ME3: variants seen among roughly 807,000 people sequenced by gnomAD.
ME3 encodes malic enzyme 3, also known as NADP-dependent malic enzyme, mitochondrial.
Under a neutral mutation model 68.9 loss-of-function variants are expected in ME3, and 48 were observed. The observed-to-expected ratio is 0.70, with a 90% CI of 0.55 to 0.89. ME3 has a LOEUF of 0.89. ME3 is among the 40% of genes least tolerant of loss of function. The pLI, the probability that ME3 is intolerant of heterozygous loss-of-function variation, is 0.00. For missense variants in ME3, 675 were observed against 797.4 expected, an observed-to-expected ratio of 0.85 and a Z score of 1.85; for synonymous variants, 320 against 318.8, an observed-to-expected ratio of 1.00 and a Z score of -0.04.
intron 2 of ME3, among the ~76,000 whole-genome samples, chr11:86,567,018 G>A (rs1451052439): frequency 6.6e-6 from 1 of 152,028 alleles, no homozygotes; most frequent in East Asian, 1.9e-4. Flanking sequence ...GGGAGTTCAA[G>A]ACCAGTCTGA....
chr11:86,648,235 A>T (rs1945162288), intron 2 of ME3, among the ~76,000 whole-genome samples: 1 of 152,222 alleles, frequency 6.6e-6, no homozygotes, highest in Non-Finnish European at 1.5e-5. Flanking sequence ...AACATACCAG[A>T]ATCTCTGGGA....
intron 2 of ME3, among the ~76,000 whole-genome samples, chr11:86,576,231 A>G (rs1421410634): frequency 1.3e-5 from 2 of 152,102 alleles, no homozygotes. Flanking sequence ...TGGTTGGGGG[A>G]GGTGGATAAC....
At chr11:86,465,266 C>A in intron 7 of ME3, 66 bp from the exon 8 acceptor site, 1 of 1,192,466 alleles carries the variant, frequency 8.4e-7, no homozygotes, top group Non-Finnish European at 1.2e-6. Context: ...CAGATCCCAG[C>A]TTGCACAGTG....
intron 7 of ME3, among the ~76,000 whole-genome samples, chr11:86,465,713 G>T (rs1950443302): frequency 6.6e-6 from 1 of 152,226 alleles, no homozygotes; most frequent in Non-Finnish European, 1.5e-5. Flanking sequence ...CTGGCACCAG[G>T]CATTGTTCTC....
At chr11:86,662,105 C>A (rs1330605096) in intron 2 of ME3, among the ~76,000 whole-genome samples, 2 of 152,152 alleles carry the variant, frequency 1.3e-5, no homozygotes, top group Non-Finnish European at 2.9e-5. Context: ...CAGCAGGGAA[C>A]AGGGAATACA....
intron 2 of ME3, among the ~76,000 whole-genome samples, chr11:86,560,750 A>ATATATATATATATATATATATATATG (rs1957186631): frequency 9.5e-5 from 2 of 21,126 alleles, no homozygotes; most frequent in African/African-American, 2.9e-4. Flanking sequence ...GTGTGTGTGT[A>ATATATATATATATATATATATATATG]TATATATATA....
At chr11:86,485,441 G>T (rs1182145184) in intron 7 of ME3, among the ~76,000 whole-genome samples, 3 of 152,190 alleles carry the variant, frequency 2.0e-5, no homozygotes, top group Non-Finnish European at 4.4e-5. Context: ...TGTCCTAGAT[G>T]CTATGCCTCT....
chr11:86,558,364 T>A (rs2139455208), intron 3 of ME3, among the ~76,000 whole-genome samples: 1 of 151,818 alleles, frequency 6.6e-6, no homozygotes, highest in Non-Finnish European at 1.5e-5. Flanking sequence ...CCAATCAGAG[T>A]GAGATAAAAA....
At chr11:86,559,950 T>C in intron 2 of ME3, 127 bp from the exon 3 acceptor site, 1 of 920,870 alleles carries the variant, frequency 1.1e-6, no homozygotes, top group Non-Finnish European at 1.5e-6. Context: ...TCAACTCAAA[T>C]TCCACCTCTG....
chr11:86,457,323 C>T lies in ME3; in HGVS notation c.920-6925G>A, dbSNP rs1459954615. 1.7e-5 allele frequency: 3 copies of T among 178,262 alleles called. No homozygotes were observed. The East Asian group carries it at 4.6e-4, about 27-fold the overall frequency. 11.0% of individuals were successfully genotyped at this position (178,262 alleles called of 1,614,324 possible). A position where few individuals can be genotyped will look rare whatever the true frequency, so the allele number is the denominator to read the frequency against. On this transcript the variant is annotated intron_variant, in intron 8 of 14. Transcript: ENST00000543262. Reference sequence around the variant, plus strand: ...ATTAACTGCATCTAGTTCCTTCCTCCTTGGTCCCCATGAAACCCAGTCCAA... The same window carrying T: ...ATTAACTGCATCTAGTTCCTTCCTCTTTGGTCCCCATGAAACCCAGTCCAA...
chr11:86,494,456 A>G (rs1220100222), intron 6 of ME3, among the ~76,000 whole-genome samples: 1 of 152,154 alleles, frequency 6.6e-6, no homozygotes, highest in East Asian at 1.9e-4. Flanking sequence ...TTTCAGTCTC[A>G]GTTTCCTTAT....
intron 4 of ME3, among the ~76,000 whole-genome samples, chr11:86,509,398 T>TCACACACACACACACACA (rs3045014): frequency 3.5e-5 from 5 of 144,662 alleles, no homozygotes; most frequent in African/African-American, 1.2e-4. Context: ...TACTCCATCA[T>TCACACACACACACACACA]CACACACACA....
intron 4 of ME3, among the ~76,000 whole-genome samples, chr11:86,551,868 A>T (rs1956703955): frequency 6.6e-6 from 1 of 152,218 alleles, no homozygotes; most frequent in Non-Finnish European, 1.5e-5. Context: ...CATAAAACCA[A>T]GTCCCACTTC....
At chr11:86,446,090 T>A (rs532490850) in intron 13 of ME3, among the ~76,000 whole-genome samples, 1 of 152,300 alleles carries the variant, frequency 6.6e-6, no homozygotes, top group South Asian at 2.1e-4. Flanking sequence ...CTCTTGCTAA[T>A]ACCCTTCACC....
intron 2 of ME3, among the ~76,000 whole-genome samples, chr11:86,666,021 G>C (rs780362826): frequency 6.6e-6 from 1 of 152,138 alleles, no homozygotes; most frequent in African/African-American, 2.4e-5. Context: ...TTTAAAGGCT[G>C]GGGTAAAATT....
chr11:86,534,075 GTGTGTGTA>G (rs1442754088), intron 4 of ME3, among the ~76,000 whole-genome samples: 3,893 of 38,028 alleles, frequency 0.1, 98 homozygotes, highest in African/African-American at 0.19. Context: ...AGGTGTGTGT[GTGTGTGTA>G]TATATATATA....
intron 7 of ME3, among the ~76,000 whole-genome samples, chr11:86,474,503 C>T (rs1032185733): frequency 1.3e-5 from 2 of 152,168 alleles, no homozygotes; most frequent in African/African-American, 2.4e-5. Flanking sequence ...AGGTTTTCCT[C>T]TAGGACATGG....
At chr11:86,596,999 A>C (rs543372130) in intron 2 of ME3, among the ~76,000 whole-genome samples, 33 of 152,224 alleles carry the variant, frequency 2.2e-4, no homozygotes, top group Non-Finnish European at 3.7e-4. Flanking sequence ...AGCTGGAAAA[A>C]GTCTGGCTGA....
chr11:86,645,906 A>C (rs963072125), intron 2 of ME3, among the ~76,000 whole-genome samples: 5 of 152,222 alleles, frequency 3.3e-5, no homozygotes, highest in African/African-American at 9.6e-5. Flanking sequence ...TATCCAGGCA[A>C]ACAGGGTCTG....
Sources: gnomAD v4.1 joint callset for allele counts (sites outside exome capture counted in the v4.1 genomes callset) on GRCh38, gnomAD v4.1.1 for gene constraint, MANE v1.5 for transcripts, NCBI Gene and HGNC (gene_info 2026-07-23, HGNC 2026-07-21) for gene names.